RCOR1: variants seen among roughly 807,000 people sequenced by gnomAD.
RCOR1 encodes REST corepressor.
RCOR1 carries 12 observed loss-of-function variants against 64.0 expected under a neutral mutation model. The ratio of observed to expected loss-of-function variants is 0.19; its 90% CI spans 0.12 to 0.30. RCOR1 has a LOEUF of 0.30. Ranked by LOEUF, RCOR1 falls within the 10% of genes least tolerant of loss-of-function variation. The probability of loss-of-function intolerance (pLI) is 1.00; values close to 1 mark genes in which losing one functional copy is unlikely to be tolerated. For missense variants in RCOR1, 502 were observed against 621.2 expected, an observed-to-expected ratio of 0.81 and a Z score of 2.04; for synonymous variants, 279 against 227.2, an observed-to-expected ratio of 1.23 and a Z score of -2.05.
At chr14:102,593,359 A>G (rs750951225) in intron 2 of RCOR1, 34 bp downstream of exon 2, 2 of 1,502,420 alleles carry the variant, frequency 1.3e-6, no homozygotes, top group Non-Finnish European at 1.8e-6. Flanking sequence ...GGCGGCGGGG[A>G]TGAGCGGGAG....
chr14:102,683,721 G>A (rs1213407749), intron 3 of RCOR1, among the ~76,000 whole-genome samples: 5 of 152,320 alleles, frequency 3.3e-5, no homozygotes, highest in African/African-American at 1.2e-4. Context: ...CAGTGCGCTC[G>A]GCCACGCTTA....
intron 2 of RCOR1, among the ~76,000 whole-genome samples, chr14:102,663,555 A>C (rs1170500557): frequency 2.6e-5 from 4 of 152,186 alleles, no homozygotes; most frequent in Non-Finnish European, 4.4e-5. Context: ...TTATAGGATA[A>C]TCTGGGCTCT....
chr14:102,681,056 A>C (rs1034829496), intron 2 of RCOR1, among the ~76,000 whole-genome samples: 27 of 152,162 alleles, frequency 1.8e-4, no homozygotes, highest in African/African-American at 5.8e-4. Flanking sequence ...AAGATGGGAG[A>C]TCTGGTGGTA....
chr14:102,618,206 C>G (rs532096057), intron 2 of RCOR1, among the ~76,000 whole-genome samples: 1 of 151,502 alleles, frequency 6.6e-6, no homozygotes, highest in Non-Finnish European at 1.5e-5. Flanking sequence ...AACTCCTGAG[C>G]TCAGGTGGAT....
rs570139177 is a variant in RCOR1, at chr14:102,664,809, T to TA, written c.362-17085dup. ...CTATGGTCTGAAAGATGGCAAATAA[T>TA]AGAGGAGAAAGAAAATCATAATTGC... On this transcript the variant is annotated intron_variant, in intron 2 of 11. Coordinates refer to ENST00000262241, the MANE Select transcript of RCOR1 (RefSeq NM_015156.4). Among the ~76,000 whole-genome samples, 843 of 152,322 alleles carry TA rather than the reference T, an allele frequency of 5.5e-3. 1 individual carries two copies. Among genetic ancestry groups the TA allele is most frequent in the Non-Finnish European group, 7.2e-3 (492 of 68,024 alleles).
intron 3 of RCOR1, 28 bp from the exon 4 acceptor site, chr14:102,701,250 T>C: frequency 6.3e-7 from 1 of 1,598,588 alleles, no homozygotes; most frequent in Non-Finnish European, 8.6e-7. Flanking sequence ...CCTCAGTTTG[T>C]TTAATGGCAT....
At chr14:102,643,410 G>T in intron 2 of RCOR1, 2 of 598,924 alleles carry the variant, frequency 3.3e-6, no homozygotes, top group Non-Finnish European at 4.2e-6. Flanking sequence ...AAACAGTATA[G>T]CAGTATAGAG....
chr14:102,698,708 G>A (rs748528968), intron 3 of RCOR1, among the ~76,000 whole-genome samples: 16 of 152,132 alleles, frequency 1.1e-4, no homozygotes, highest in Non-Finnish European at 2.2e-4. Flanking sequence ...TCTGTTTCTA[G>A]GTCTGGTATG....
Position 102,721,388 on chromosome 14 carries a change from G to T in RCOR1, c.1189+11G>T. 1.2e-6 allele frequency: 2 copies of T among 1,610,686 alleles called. No homozygotes were observed. The highest frequency in any genetic ancestry group is 1.7e-4 in the Middle Eastern group (1 of 6,058). On this transcript the variant is annotated intron_variant, in intron 10 of 11. Transcript: ENST00000262241. ...TTCTCGCCGTACAAGGTAGGGGGAA[G>T]TTCTTCTAAAGAGTTTAGGAGGCCG...
At chr14:102,713,491 C>T (rs371086876) in intron 7 of RCOR1, among the ~76,000 whole-genome samples, 5 of 151,982 alleles carry the variant, frequency 3.3e-5, no homozygotes, top group East Asian at 3.9e-4. Flanking sequence ...ACTGTGTTAG[C>T]CAGGGTGGTC....
At chr14:102,632,611 A>T (rs991323714) in intron 2 of RCOR1, among the ~76,000 whole-genome samples, 1 of 107,944 alleles carries the variant, frequency 9.3e-6, no homozygotes, top group African/African-American at 3.9e-5. Context: ...ACTGCATGCT[A>T]TCCTTTCCTT....
intron 2 of RCOR1, chr14:102,657,302 A>T: frequency 1.0e-6 from 1 of 985,270 alleles, no homozygotes; most frequent in Non-Finnish European, 1.2e-6. Flanking sequence ...TTTAGGCGAT[A>T]TGTCCTCATG....
At chr14:102,674,321 A>G (rs573579747) in intron 2 of RCOR1, among the ~76,000 whole-genome samples, 10 of 152,338 alleles carry the variant, frequency 6.6e-5, no homozygotes, top group East Asian at 1.9e-4. Flanking sequence ...ATAACTGGCT[A>G]CTAGAGTCTA....
At chr14:102,690,562 G>A (rs1481247548) in intron 3 of RCOR1, among the ~76,000 whole-genome samples, 1 of 152,064 alleles carries the variant, frequency 6.6e-6, no homozygotes, top group Non-Finnish European at 1.5e-5. Context: ...CTGCACTCCA[G>A]CCTGGGCAAC....
chr14:102,649,069 A>C (rs571691008), intron 2 of RCOR1, among the ~76,000 whole-genome samples: 2 of 152,242 alleles, frequency 1.3e-5, no homozygotes, highest in East Asian at 1.9e-4. Flanking sequence ...AAAAAAACAA[A>C]AAAAAAATAG....
At chr14:102,706,893 T>C (rs1207212600) in intron 4 of RCOR1, among the ~76,000 whole-genome samples, 1 of 151,934 alleles carries the variant, frequency 6.6e-6, no homozygotes, top group Non-Finnish European at 1.5e-5. Flanking sequence ...AGTTTCTCTG[T>C]GACCACTTCC....
Position 102,593,036 on chromosome 14 carries a change from C to T in RCOR1, c.150C>T (p.Ala50=). The T allele has an allele frequency of 2.3e-6, 3 of 1,291,570 alleles. No homozygotes were observed. Among genetic ancestry groups the T allele is most frequent in the Non-Finnish European group, 3.0e-6 (3 of 1,011,832 alleles). The allele number at this position is 1,291,570 out of a possible 1,614,324, so 80.0% of individuals were successfully genotyped here. A position where few individuals can be genotyped will look rare whatever the true frequency, so the allele number is the denominator to read the frequency against. Residue 50 remains alanine (A), a synonymous_variant, in exon 1 of 12, where the codon GCC becomes GCT. Transcript: ENST00000262241. ...CCGCCACTGCCGCCTCGGGCGCCGC[C>T]GCCTCCTCAGCCTCGGCCGCCGCCG... ...SPAATAASGA[A]ASSASAAAAS...
At chr14:102,624,020 C>T (rs1234823112) in intron 2 of RCOR1, among the ~76,000 whole-genome samples, 1 of 150,594 alleles carries the variant, frequency 6.6e-6, no homozygotes, top group East Asian at 2.0e-4. Flanking sequence ...GGTGAAACCC[C>T]ATCTCTACTA....
intron 2 of RCOR1, among the ~76,000 whole-genome samples, chr14:102,598,452 T>G (rs555388750): frequency 4.0e-5 from 6 of 150,122 alleles, no homozygotes; most frequent in Non-Finnish European, 8.9e-5. Context: ...CAGTTCTTTT[T>G]TTTTTTTTTT....
Sources: allele counts gnomAD v4.1 joint callset (sites outside exome capture counted in the v4.1 genomes callset), GRCh38; gene constraint gnomAD v4.1.1; transcripts MANE v1.5; gene names NCBI Gene and HGNC (gene_info 2026-07-23, HGNC 2026-07-21).